ASIP: variants seen among roughly 807,000 people sequenced by gnomAD.
The protein encoded by ASIP is agouti-signaling protein.
In ASIP, 11 loss-of-function variants were observed where a neutral mutation model predicts 10.3. The ratio of observed to expected loss-of-function variants is 1.07; its 90% CI spans 0.68 to 1.78. The LOEUF (loss-of-function observed/expected upper bound fraction) is 1.78. Ranked by LOEUF, ASIP falls within the 40% of genes most tolerant of loss-of-function variation. The probability of loss-of-function intolerance (pLI) is 0.00; values close to 1 mark genes in which losing one functional copy is unlikely to be tolerated. For missense variants in ASIP, 180 were observed against 169.2 expected, an observed-to-expected ratio of 1.06 and a Z score of -0.35; for synonymous variants, 70 against 70.8, an observed-to-expected ratio of 0.99 and a Z score of 0.06.
chr20:34,260,956 G>C (rs1473937969), intron 2 of ASIP, among the ~76,000 whole-genome samples: 1 of 152,170 alleles, frequency 6.6e-6, no homozygotes, highest in African/African-American at 2.4e-5. Flanking sequence ...CTGGAGCCTG[G>C]CATTGGAGAT....
chr20:34,187,065 G>A, the ASIP span, among the ~76,000 whole-genome samples: 12 of 152,270 alleles, frequency 7.9e-5, no homozygotes, highest in African/African-American at 2.6e-4. Context: ...GAAGCAGTAG[G>A]ATTTAACTTC....
At chr20:34,245,016 C>T (rs1050592277) in intron 1 of ASIP, among the ~76,000 whole-genome samples, 4 of 152,010 alleles carry the variant, frequency 2.6e-5, no homozygotes, top group Non-Finnish European at 4.4e-5. Flanking sequence ...AAAAGTCTAC[C>T]GGGTTTTTCA....
intron 1 of ASIP, among the ~76,000 whole-genome samples, chr20:34,233,438 C>A (rs568264441): frequency 6.6e-6 from 1 of 152,068 alleles, no homozygotes; most frequent in Middle Eastern, 3.2e-3. Flanking sequence ...TGAGCCACCG[C>A]GCCCGGCCCA....
chr20:34,211,756 T>TAGC (rs2034975886), intron 1 of ASIP, among the ~76,000 whole-genome samples: 2 of 152,232 alleles, frequency 1.3e-5, no homozygotes, highest in Non-Finnish European at 2.9e-5. Flanking sequence ...TTTGAGAAAT[T>TAGC]AGCAGTCAGT....
intron 1 of ASIP, chr20:34,213,764 T>A: frequency 1.3e-6 from 2 of 1,507,544 alleles, no homozygotes; most frequent in Admixed American, 3.3e-5. Flanking sequence ...ACTCCACTTC[T>A]GAGAATACCC....
rs558772215 is a variant in ASIP at position 34,223,200 on chromosome 20, C to T, written c.-11+28440C>T. 5.1e-3 allele frequency among the ~76,000 whole-genome samples: 780 copies of T among 151,776 alleles called. 3 individuals carry two copies. The highest frequency in any genetic ancestry group is 0.018 in the African/African-American group (733 of 41,364). Reference sequence around the variant, plus strand: ...GAAGTGAGGAGCGCCTCTTCCCAGCCGCCATCACATCTAGGAAGTGAGGAG... The same window carrying T: ...GAAGTGAGGAGCGCCTCTTCCCAGCTGCCATCACATCTAGGAAGTGAGGAG... On this transcript the variant is annotated intron_variant, in intron 1 of 3. Transcript: ENST00000568305.
chr20:34,213,767 G>A (rs988650375), intron 1 of ASIP: 2 of 1,507,966 alleles, frequency 1.3e-6, no homozygotes, highest in Non-Finnish European at 1.8e-6. Flanking sequence ...CCACTTCTGA[G>A]AATACCCTTT....
At chr20:34,204,556 G>A (rs928450404) in intron 1 of ASIP, among the ~76,000 whole-genome samples, 1 of 152,040 alleles carries the variant, frequency 6.6e-6, no homozygotes, top group Non-Finnish European at 1.5e-5. Flanking sequence ...ATTGGACTGG[G>A]TAAAACCTTA....
chr20:34,187,846 A>G, the ASIP span, among the ~76,000 whole-genome samples: 3 of 152,222 alleles, frequency 2.0e-5, no homozygotes, highest in African/African-American at 4.8e-5. Context: ...GGGCAGGACC[A>G]TTACAAGAGT....
intron 3 of ASIP, among the ~76,000 whole-genome samples, chr20:34,267,166 G>T (rs2035800335): frequency 6.6e-6 from 1 of 152,064 alleles, no homozygotes; most frequent in Non-Finnish European, 1.5e-5. Flanking sequence ...TCTTATCCTT[G>T]GTCTCATGGA....
intron 1 of ASIP, chr20:34,213,833 C>T (rs761475871): frequency 1.6e-5 from 24 of 1,528,764 alleles, no homozygotes; most frequent in African/African-American, 2.7e-5. Flanking sequence ...AGATAAACTT[C>T]GGAACAGCCA....
chr20:34,262,781 C>T (rs753700502), intron 2 of ASIP, 51 bp from the exon 3 acceptor site: 1 of 1,607,332 alleles, frequency 6.2e-7, no homozygotes, highest in Admixed American at 1.7e-5. Flanking sequence ...TTCACTGCAG[C>T]TCAACGTCCC....
At chr20:34,256,904 C>A (rs532424143) in intron 1 of ASIP, among the ~76,000 whole-genome samples, 32 of 152,070 alleles carry the variant, frequency 2.1e-4, no homozygotes, top group Non-Finnish European at 3.5e-4. Context: ...CCTCAGCCAC[C>A]CGAGTAGCTG....
At chr20:34,224,558 A>G (rs1329453808) in intron 1 of ASIP, among the ~76,000 whole-genome samples, 6 of 152,174 alleles carry the variant, frequency 3.9e-5, no homozygotes, top group Non-Finnish European at 8.8e-5. Flanking sequence ...TTCTTAAATG[A>G]CCCTGTGGGG....
chr20:34,213,618 A>C, intron 1 of ASIP: 1 of 1,566,146 alleles, frequency 6.4e-7, no homozygotes, highest in South Asian at 1.1e-5. Context: ...ATTTGGCCGT[A>C]ATCTGGTTGA....
At chr20:34,215,419 ACATCACG>A in intron 1 of ASIP, 1 of 1,541,206 alleles carries the variant, frequency 6.5e-7, no homozygotes, top group East Asian at 2.2e-5. Context: ...TGTATGCACC[ACATCACG>A]ATCCACCAAC....
At chr20:34,210,081 A>C (rs976745604) in intron 1 of ASIP, among the ~76,000 whole-genome samples, 49 of 152,020 alleles carry the variant, frequency 3.2e-4, no homozygotes, top group Non-Finnish European at 1.2e-4. Context: ...TCACTCAGTA[A>C]AGCTTCTCTT....
intron 1 of ASIP, chr20:34,246,584 C>T: frequency 1.4e-6 from 1 of 725,304 alleles, no homozygotes; most frequent in Non-Finnish European, 2.4e-6. Flanking sequence ...CCCACCTCAG[C>T]CTCCTAGGAC....
intron 1 of ASIP, among the ~76,000 whole-genome samples, chr20:34,255,765 G>A (rs1431337162): frequency 2.6e-5 from 4 of 152,216 alleles, no homozygotes; most frequent in Non-Finnish European, 5.9e-5. Context: ...AGGGCCACTA[G>A]AGGGCTTCCT....
Sources: gnomAD v4.1 joint callset for allele counts (sites outside exome capture counted in the v4.1 genomes callset) on GRCh38, gnomAD v4.1.1 for gene constraint, MANE v1.5 for transcripts, NCBI Gene and HGNC (gene_info 2026-07-23, HGNC 2026-07-21) for gene names.